Variants in FOXP1 observed in about 807,000 individuals in gnomAD.
FOXP1 encodes forkhead box P1.
FOXP1 carries 15 observed loss-of-function variants against 98.2 expected under a neutral mutation model. The ratio of observed to expected loss-of-function variants is 0.15; its 90% confidence interval spans 0.10 to 0.24. FOXP1 has a LOEUF of 0.24. FOXP1 is among the 10% of genes least tolerant of loss of function. The pLI is 1.00. For missense variants in FOXP1, 633 were observed against 848.5 expected (o/e 0.75, Z 3.15); for synonymous variants, 371 against 314.5 (o/e 1.18, Z -1.90).
At chr3:71,237,537 G>A (rs1348635953) in intron 5 of FOXP1, among the ~76,000 whole-genome samples, 3 of 152,158 alleles carry the variant, frequency 2.0e-5, no homozygotes, top group Non-Finnish European at 4.4e-5. Flanking sequence ...TGTGTGGTAA[G>A]GGAAACTGAC....
chr3:71,409,168 A>C (rs1363053288), intron 3 of FOXP1, among the ~76,000 whole-genome samples: 1 of 152,100 alleles, frequency 6.6e-6, no homozygotes, highest in Non-Finnish European at 1.5e-5. Flanking sequence ...AGGTCTCACT[A>C]TCTTTTTCTT....
chr3:70,968,912 T>C (rs2035565753), intron 19 of FOXP1: 1 of 152,208 alleles, frequency 6.6e-6, no homozygotes, highest in African/African-American at 2.4e-5. Context: ...AACAATCCAC[T>C]TCTCAAATCA....
At chr3:71,348,883 C>A (rs956523572) in intron 4 of FOXP1, among the ~76,000 whole-genome samples, 13 of 152,096 alleles carry the variant, frequency 8.5e-5, no homozygotes, top group Admixed American at 8.5e-4. Flanking sequence ...GTTTTTGATA[C>A]CCCAACTTCC....
chr3:71,266,635 T>A (rs2107244560), intron 5 of FOXP1, among the ~76,000 whole-genome samples: 1 of 152,328 alleles, frequency 6.6e-6, no homozygotes, highest in Non-Finnish European at 1.5e-5. Flanking sequence ...TTGCATAGAT[T>A]TATTGCATAA....
intron 6 of FOXP1, among the ~76,000 whole-genome samples, chr3:71,123,865 G>A (rs1295481032): frequency 2.6e-5 from 4 of 152,144 alleles, no homozygotes; most frequent in Non-Finnish European, 5.9e-5. Context: ...ATTAAAAATT[G>A]TAATGTTTTT....
At chr3:71,487,684 A>G (rs2090757498) in intron 3 of FOXP1, among the ~76,000 whole-genome samples, 1 of 152,238 alleles carries the variant, frequency 6.6e-6, no homozygotes, top group Non-Finnish European at 1.5e-5. Context: ...CCTCTAATTT[A>G]GCCAAAAGGT....
chr3:71,278,910 G>C (rs1170650392), intron 5 of FOXP1, among the ~76,000 whole-genome samples: 9 of 152,014 alleles, frequency 5.9e-5, no homozygotes, highest in African/African-American at 9.7e-5. Flanking sequence ...CAGGAATTGG[G>C]GCCGGGCATG....
chr3:71,033,721 G>A (rs573098666), intron 11 of FOXP1, among the ~76,000 whole-genome samples: 1 of 152,046 alleles, frequency 6.6e-6, no homozygotes, highest in African/African-American at 2.4e-5. Context: ...CGGTGATACG[G>A]CACCATGCCA....
intron 3 of FOXP1, among the ~76,000 whole-genome samples, chr3:71,417,099 C>A (rs201053232): frequency 1.3e-5 from 2 of 152,296 alleles, no homozygotes; most frequent in East Asian, 3.9e-4. Flanking sequence ...GAGGTCCTTA[C>A]AAAATGCTCA....
chr3:71,140,580 G>A (rs2107992783), intron 6 of FOXP1, among the ~76,000 whole-genome samples: 1 of 152,168 alleles, frequency 6.6e-6, no homozygotes, highest in East Asian at 1.9e-4. Context: ...CTCACTTTAT[G>A]TCAGGCATTT....
chr3:71,570,065 G>A (rs1170912523), intron 2 of FOXP1, among the ~76,000 whole-genome samples: 2 of 152,036 alleles, frequency 1.3e-5, no homozygotes, highest in Non-Finnish European at 2.9e-5. Context: ...TCTCTTCATG[G>A]ACAAAGGCGT....
intron 5 of FOXP1, among the ~76,000 whole-genome samples, chr3:71,218,514 A>G (rs2065112938): frequency 6.6e-6 from 1 of 152,156 alleles, no homozygotes; most frequent in East Asian, 1.9e-4. Context: ...TCATTCTTCA[A>G]TATTGCATCT....
intron 4 of FOXP1, among the ~76,000 whole-genome samples, chr3:71,323,603 G>A (rs569634888): frequency 6.6e-6 from 1 of 152,256 alleles, no homozygotes; most frequent in East Asian, 1.9e-4. Context: ...AGTTTTAGAT[G>A]CATTGCCTGC....
intron 14 of FOXP1, among the ~76,000 whole-genome samples, 195 bp downstream of exon 14, chr3:70,987,799 C>G (rs2039987407): frequency 6.6e-6 from 1 of 152,222 alleles, no homozygotes; most frequent in Non-Finnish European, 1.5e-5. Context: ...CTGAATCATC[C>G]TGTATCTCCC....
chr3:71,251,668 A>T (rs2068198855), intron 5 of FOXP1, among the ~76,000 whole-genome samples: 1 of 152,232 alleles, frequency 6.6e-6, no homozygotes, highest in Non-Finnish European at 1.5e-5. Context: ...AGAGAGCTTA[A>T]GATGGGATAA....
At position 71,583,431 on chromosome 3, in the gene FOXP1, T is replaced by C. The variant is rs1396123389; in HGVS notation, c.-447+140A>G. On this transcript the variant is annotated intron_variant, in intron 1 of 20. Transcript: ENST00000649528. ...CCTGGAGGTGGAAAGTAGTTGTTTT[T>C]TTTTTTCCATTTTTTTTCTCTTTTT... 6 of 969,540 alleles carry C rather than the reference T, an allele frequency of 6.2e-6. No homozygotes were observed. In the East Asian group the frequency reaches 3.4e-4, roughly 55 times the overall value. The allele number at this position is 969,540 out of a possible 1,614,324, so 60.1% of individuals were successfully genotyped here.
chr3:70,987,309 C>T (rs1253692555), intron 14 of FOXP1, among the ~76,000 whole-genome samples: 1 of 152,232 alleles, frequency 6.6e-6, no homozygotes. Flanking sequence ...GATCCTTCTG[C>T]TTCGGTATTA....
rs67711426 is a variant in FOXP1, at chr3:70,967,687, G to GTTTT, written c.1723-1635_1723-1632dup. ...GCAGTTGCCAGAACTACTATTATTT[G>GTTTT]TTTTTTTTTTTTGTTTTTTTTTGTT... On this transcript the variant is annotated intron_variant, in intron 19 of 20. Transcript: ENST00000649528. Among the ~76,000 whole-genome samples, 98 of 61,324 alleles carry GTTTT rather than the reference G, an allele frequency of 1.6e-3. 1 individual carries two copies. The highest frequency in any genetic ancestry group is 0.014 in the Middle Eastern group (1 of 70). The allele number at this position is 61,324 out of a possible 152,430, so 40.2% of individuals were successfully genotyped here. A position where few individuals can be genotyped will look rare whatever the true frequency, so the allele number is the denominator to read the frequency against.
intron 3 of FOXP1, among the ~76,000 whole-genome samples, chr3:71,470,744 AAAAAG>A (rs891890421): frequency 1.1e-4 from 16 of 152,212 alleles, no homozygotes; most frequent in Non-Finnish European, 2.1e-4. Flanking sequence ...GTCTCCAGAA[AAAAAG>A]AAAAGAAAAG....
Sources: allele counts gnomAD v4.1 joint callset (sites outside exome capture counted in the v4.1 genomes callset), GRCh38; gene constraint gnomAD v4.1.1; transcripts MANE v1.5; gene names NCBI Gene and HGNC (gene_info 2026-07-23, HGNC 2026-07-21).